MMP26: variants seen among roughly 807,000 people sequenced by gnomAD.
MMP26 encodes matrix metalloproteinase-26.
MMP26 carries 33 observed loss-of-function variants against 31.0 expected under a neutral mutation model. That is an observed-to-expected ratio of 1.06 (90% CI 0.81 to 1.42). The LOEUF is 1.42. Ranked by LOEUF, MMP26 falls within the 40% of genes most tolerant of loss-of-function variation. The pLI is 0.00. For synonymous variants in MMP26, 122 were observed against 114.9 expected (o/e 1.06, Z -0.40); for missense variants, 347 against 316.1 (o/e 1.10, Z -0.74).
intron 2 of MMP26, among the ~76,000 whole-genome samples, chr11:4,867,998 C>A (rs2133522261): frequency 6.6e-6 from 1 of 152,142 alleles, no homozygotes; most frequent in South Asian, 2.1e-4. Flanking sequence ...AACCTAAATA[C>A]CTATTACTGA....
rs1292280446 is a variant in MMP26 at position 4,950,347 on chromosome 11, T to TA, written c.-144-37714dup. Among the ~76,000 whole-genome samples the TA allele has an allele frequency of 2.5e-5, 3 of 120,790 alleles. 1 individual carries two copies. The highest frequency in any genetic ancestry group is 8.4e-5 in the African/African-American group (3 of 35,908). 79.2% of individuals were successfully genotyped at this position (120,790 alleles called of 152,430 possible). A position where few individuals can be genotyped will look rare whatever the true frequency, so the allele number is the denominator to read the frequency against. On this transcript the variant is annotated intron_variant, in intron 2 of 7. Transcript: ENST00000380390. ...CATCATATGGAATAGTACTCAGCCT[T>TA]AAAAAAAGGATGAAATTCTGTCATT... is the stretch of plus-strand genomic sequence containing the variant.
At chr11:4,813,727 A>G (rs1416255063) in intron 2 of MMP26, among the ~76,000 whole-genome samples, 1 of 151,084 alleles carries the variant, frequency 6.6e-6, no homozygotes, top group African/African-American at 2.5e-5. Context: ...AAAGTACAGT[A>G]ATATTTTTAT....
chr11:4,971,312 C>G (rs1306647153), intron 2 of MMP26, among the ~76,000 whole-genome samples: 1 of 152,296 alleles, frequency 6.6e-6, no homozygotes, highest in East Asian at 1.9e-4. Context: ...AGAATCAAAT[C>G]TGTCCTTACT....
At chr11:4,810,722 A>G (rs1849338731) in intron 2 of MMP26, among the ~76,000 whole-genome samples, 1 of 152,228 alleles carries the variant, frequency 6.6e-6, no homozygotes, top group African/African-American at 2.4e-5. Flanking sequence ...AGACCATGCC[A>G]TAGTCAGTTC....
chr11:4,986,938 T>TCTCTCC (rs1564819757), intron 2 of MMP26, among the ~76,000 whole-genome samples: 2 of 98,130 alleles, frequency 2.0e-5, no homozygotes, highest in Non-Finnish European at 2.4e-5. Context: ...TCTCCCTCTC[T>TCTCTCC]CTCTCTCTCT....
intron 2 of MMP26, among the ~76,000 whole-genome samples, chr11:4,822,976 A>G (rs1396531775): frequency 6.6e-6 from 1 of 152,170 alleles, no homozygotes; most frequent in African/African-American, 2.4e-5. Context: ...TGGTAATTAC[A>G]TTGTTAACAT....
rs144125067 is a variant in MMP26, at chr11:4,988,331, C to T, written c.99+21C>T. ...TTGAGGTAGGTGAACGACTCAGGACCACATTATTACATGGTGACCATTGTG... is the reference window on the plus strand; with the variant it reads ...TTGAGGTAGGTGAACGACTCAGGACTACATTATTACATGGTGACCATTGTG... On this transcript the variant is annotated intron_variant, in intron 3 of 7. Coordinates refer to ENST00000380390, the MANE Select transcript of MMP26 (RefSeq NM_021801.5). 143 of 1,575,510 alleles carry T rather than the reference C, an allele frequency of 9.1e-5. No homozygotes were observed. The East Asian group carries it at 3.2e-3, about 35-fold the overall frequency.
intron 2 of MMP26, among the ~76,000 whole-genome samples, chr11:4,865,706 G>A (rs1232834935): frequency 6.6e-6 from 1 of 152,010 alleles, no homozygotes; most frequent in Non-Finnish European, 1.5e-5. Context: ...TGACAAACCA[G>A]CAGTTGTGCT....
chr11:4,743,139 T>C (rs1449216079), intron 1 of MMP26, among the ~76,000 whole-genome samples: 1 of 152,266 alleles, frequency 6.6e-6, no homozygotes, highest in Non-Finnish European at 1.5e-5. Flanking sequence ...TGTGAATTAT[T>C]AAAAAGGCAA....
At position 4,967,793 on chromosome 11, in the gene MMP26, T is replaced by C. The variant is rs143761553; in HGVS notation, c.-144-20275T>C. On this transcript the variant is annotated intron_variant, in intron 2 of 7. Coordinates refer to ENST00000380390, the MANE Select transcript of MMP26 (RefSeq NM_021801.5). ...ATCTGATAACTATTTTACAAAGATA[T>C]AAGAATAGTCAATAAAAGTTTCCAA... Among the ~76,000 whole-genome samples the C allele has an allele frequency of 2.3e-3, 355 of 152,254 alleles. 3 individuals carry two copies. The highest frequency in any genetic ancestry group is 8.4e-3 in the African/African-American group (348 of 41,564).
At chr11:4,940,291 A>T (rs141657567) in intron 2 of MMP26, among the ~76,000 whole-genome samples, 21 of 152,252 alleles carry the variant, frequency 1.4e-4, no homozygotes, top group Non-Finnish European at 2.6e-4. Context: ...CTGGATGGAC[A>T]TTCCTAATAC....
At chr11:4,928,388 A>C (rs759634691) in intron 2 of MMP26, among the ~76,000 whole-genome samples, 1 of 152,108 alleles carries the variant, frequency 6.6e-6, no homozygotes, top group Non-Finnish European at 1.5e-5. Context: ...AGAAATTTAT[A>C]CTCTAAATGT....
intron 1 of MMP26, among the ~76,000 whole-genome samples, chr11:4,757,986 A>C (rs1276445347): frequency 6.6e-6 from 1 of 152,194 alleles, no homozygotes; most frequent in Non-Finnish European, 1.5e-5. Flanking sequence ...CATATGATCC[A>C]GAAATTCTAC....
intron 2 of MMP26, among the ~76,000 whole-genome samples, chr11:4,845,479 T>C (rs571530705): frequency 2.6e-5 from 4 of 152,096 alleles, no homozygotes; most frequent in African/African-American, 4.8e-5. Flanking sequence ...ACAGAAAACT[T>C]TGGGGAAACT....
chr11:4,900,196 G>A (rs1334853218), intron 2 of MMP26, among the ~76,000 whole-genome samples: 1 of 152,128 alleles, frequency 6.6e-6, no homozygotes, highest in Non-Finnish European at 1.5e-5. Flanking sequence ...TCTAAAATGT[G>A]TCCCTTTTCA....
At chr11:4,990,831 C>T (rs1256188082) in intron 5 of MMP26, 85 bp downstream of exon 5, 4 of 1,401,040 alleles carry the variant, frequency 2.9e-6, no homozygotes, top group Non-Finnish European at 3.8e-6. Context: ...AAACCTAGCC[C>T]CCCTATTAAA....
At chr11:4,895,656 G>T (rs1262235324) in intron 2 of MMP26, among the ~76,000 whole-genome samples, 1 of 152,220 alleles carries the variant, frequency 6.6e-6, no homozygotes, top group South Asian at 2.1e-4. Context: ...GGATGCAGTG[G>T]CTCATGCCTG....
chr11:4,822,413 A>C (rs1849523190), intron 2 of MMP26: 5 of 1,429,226 alleles, frequency 3.5e-6, no homozygotes, highest in Non-Finnish European at 4.6e-6. Flanking sequence ...ATTTATGAAT[A>C]AGTGCTTTGC....
At chr11:4,907,654 T>A in intron 2 of MMP26, 2 of 1,614,138 alleles carry the variant, frequency 1.2e-6, no homozygotes, top group Non-Finnish European at 1.7e-6. Flanking sequence ...TTTCACCTAA[T>A]GCCTGCTTTG....
Sources: allele counts gnomAD v4.1 joint callset (sites outside exome capture counted in the v4.1 genomes callset), GRCh38; gene constraint gnomAD v4.1.1; transcripts MANE v1.5; gene names NCBI Gene and HGNC (gene_info 2026-07-23, HGNC 2026-07-21).